RBM33: variants seen among roughly 807,000 people sequenced by gnomAD.
RBM33 encodes the protein RNA binding motif protein 33, also known as RNA-binding protein 33.
RBM33 carries 28 observed loss-of-function variants against 132.6 expected under a neutral mutation model. The ratio of observed to expected loss-of-function variants is 0.21; its 90% confidence interval spans 0.16 to 0.29. The LOEUF is 0.29. RBM33 is among the 10% of genes least tolerant of loss of function. The pLI is 1.00. For synonymous variants in RBM33, 634 were observed against 593.0 expected, an observed-to-expected ratio of 1.07 and a Z score of -1.01; for missense variants, 1,291 against 1,518.5, an observed-to-expected ratio of 0.85 and a Z score of 2.49.
rs904088123 is a variant in RBM33 at position 155,663,768 on chromosome 7, C to A, written c.44-1407C>A. On this transcript the variant is annotated intron_variant, in intron 1 of 17. Transcript: ENST00000401878. ...TAGGTGTTTATATCATCTGGCCCTA[C>A]CTACCCCAACCACCTGCCCCTAGGT... Among the ~76,000 whole-genome samples the A allele has an allele frequency of 3.3e-5, 5 of 152,230 alleles. No homozygotes were observed. The East Asian group carries it at 7.7e-4, about 24-fold the overall frequency.
intron 7 of RBM33, among the ~76,000 whole-genome samples, chr7:155,710,608 T>A (rs1800253328): frequency 6.6e-6 from 1 of 152,230 alleles, no homozygotes; most frequent in Non-Finnish European, 1.5e-5. Flanking sequence ...GTGCTGCTTC[T>A]GCTTTTTTCT....
intron 14 of RBM33, among the ~76,000 whole-genome samples, chr7:155,751,993 GT>G (rs1290242791): frequency 6.6e-6 from 1 of 152,162 alleles, no homozygotes; most frequent in Admixed American, 6.5e-5. Context: ...CAGTGTGGGT[GT>G]ATGAATTGTT....
intron 9 of RBM33, among the ~76,000 whole-genome samples, chr7:155,718,936 A>C (rs1800543308): frequency 6.6e-6 from 1 of 151,950 alleles, no homozygotes; most frequent in African/African-American, 2.4e-5. Flanking sequence ...AATACCTTTA[A>C]AAGAAAGCAT....
intron 3 of RBM33, among the ~76,000 whole-genome samples, chr7:155,673,940 G>GTTTTTTTTTTTTTTTTT (rs71186053): frequency 5.9e-4 from 32 of 54,176 alleles, no homozygotes; most frequent in Non-Finnish European, 8.4e-4. Context: ...TTTAGGCTTA[G>GTTTTTTTTTTTTTTTTT]TTTTTTTTTT....
intron 5 of RBM33, among the ~76,000 whole-genome samples, chr7:155,693,336 T>TC (rs1799700389): frequency 6.6e-6 from 1 of 151,302 alleles, no homozygotes. Flanking sequence ...TTTTTTCTTT[T>TC]TTTTTTTCTT....
chr7:155,689,160 G>C (rs1196554545), intron 5 of RBM33, among the ~76,000 whole-genome samples: 1 of 151,718 alleles, frequency 6.6e-6, no homozygotes, highest in East Asian at 1.9e-4. Flanking sequence ...GCCCGTTATT[G>C]GTCTATTCAG....
chr7:155,733,649 CT>C (rs1801023961), intron 9 of RBM33, among the ~76,000 whole-genome samples: 1 of 152,180 alleles, frequency 6.6e-6, no homozygotes, highest in African/African-American at 2.4e-5. Flanking sequence ...AGCATTGGTT[CT>C]TGACTGGCCC....
At chr7:155,649,278 C>G (rs954222031) in intron 1 of RBM33, among the ~76,000 whole-genome samples, 3 of 152,070 alleles carry the variant, frequency 2.0e-5, no homozygotes, top group African/African-American at 7.2e-5. Flanking sequence ...TTGTAATTTT[C>G]TTTAGTTATT....
At chr7:155,765,347 C>T (rs10464140) in intron 15 of RBM33, among the ~76,000 whole-genome samples, 141,537 of 152,316 alleles carry the variant, frequency 0.93, 66,060 homozygotes, top group East Asian at 1. Flanking sequence ...CTTGCAACTT[C>T]TCATGTGCAT....
intron 9 of RBM33, among the ~76,000 whole-genome samples, chr7:155,719,205 A>T (rs111324622): frequency 9.2e-5 from 14 of 152,262 alleles, no homozygotes; most frequent in African/African-American, 2.9e-4. Context: ...TGTAGGGGAA[A>T]AAATGTACTG....
chr7:155,694,356 TAAA>T (rs552593546), intron 5 of RBM33, among the ~76,000 whole-genome samples: 180 of 152,318 alleles, frequency 1.2e-3, no homozygotes, highest in African/African-American at 4.0e-3. Context: ...CATAGTTATT[TAAA>T]AAGACTTGCC....
At position 155,775,344 on chromosome 7, in the gene RBM33, G is replaced by T; in HGVS notation, c.*303G>T. On this transcript the variant is annotated 3_prime_UTR_variant, in exon 18 of 18. Coordinates refer to ENST00000401878, the MANE Select transcript of RBM33 (RefSeq NM_053043.3). ...AATGCATGTAGACATTGTTCTTTGT[G>T]GTCTGACTCTATGATCGATCACAGT... 1 of 524,860 alleles carries T rather than the reference G, an allele frequency of 1.9e-6. No individual in the cohort carries two copies. The highest frequency in any genetic ancestry group is 3.5e-6 in the Non-Finnish European group (1 of 288,078). The allele number at this position is 524,860 out of a possible 1,614,324, so 32.5% of individuals were successfully genotyped here.
At chr7:155,705,175 A>G (rs971374223) in intron 6 of RBM33, among the ~76,000 whole-genome samples, 3 of 152,218 alleles carry the variant, frequency 2.0e-5, no homozygotes, top group Non-Finnish European at 4.4e-5. Flanking sequence ...GGAAATTAAC[A>G]TTTCAGTTGA....
chr7:155,645,807 G>A (rs914172657), intron 1 of RBM33, among the ~76,000 whole-genome samples: 3 of 152,180 alleles, frequency 2.0e-5, no homozygotes, highest in Admixed American at 6.5e-5. Flanking sequence ...AGCCAGTCTA[G>A]TGTATACTCG....
intron 1 of RBM33, among the ~76,000 whole-genome samples, chr7:155,663,809 A>G (rs1798722165): frequency 6.6e-6 from 1 of 152,090 alleles, no homozygotes. Flanking sequence ...CTTTCTGGGG[A>G]GAGAGATCTA....
intron 5 of RBM33, among the ~76,000 whole-genome samples, chr7:155,697,912 T>C (rs926144973): frequency 3.9e-5 from 6 of 152,246 alleles, no homozygotes; most frequent in African/African-American, 1.4e-4. Context: ...ATCAAACCTT[T>C]GACTATTTTT....
At chr7:155,699,132 A>AGT (rs2116954960) in intron 5 of RBM33, among the ~76,000 whole-genome samples, 1 of 152,306 alleles carries the variant, frequency 6.6e-6, no homozygotes, top group South Asian at 2.1e-4. Flanking sequence ...TTGTTTGGAA[A>AGT]GTCTTTGAAC....
chr7:155,743,988 T>C (rs1801433508), intron 13 of RBM33, among the ~76,000 whole-genome samples: 1 of 152,172 alleles, frequency 6.6e-6, no homozygotes, highest in African/African-American at 2.4e-5. Flanking sequence ...AGATGTGATA[T>C]TAGAGAACAG....
chr7:155,687,750 T>C (rs1251664501), intron 5 of RBM33, among the ~76,000 whole-genome samples: 3 of 152,266 alleles, frequency 2.0e-5, no homozygotes, highest in Non-Finnish European at 4.4e-5. Flanking sequence ...TCCCCATTTC[T>C]TGTTTTTGTC....
Sources: allele counts gnomAD v4.1 joint callset (sites outside exome capture counted in the v4.1 genomes callset), GRCh38; gene constraint gnomAD v4.1.1; transcripts MANE v1.5; gene names NCBI Gene and HGNC (gene_info 2026-07-23, HGNC 2026-07-21).